Variants in ZNF235 observed in about 807,000 individuals in gnomAD.
The protein encoded by ZNF235 is zinc finger protein 235.
In ZNF235, 25 loss-of-function variants were observed where a neutral mutation model predicts 29.4. That is an observed-to-expected ratio of 0.85 (90% CI 0.62 to 1.19). The LOEUF (loss-of-function observed/expected upper bound fraction) is 1.19. Among genes scored for constraint, ZNF235 ranks in the 50% most tolerant of loss-of-function variants. The pLI is 0.00. For missense variants in ZNF235, 788 were observed against 885.0 expected (o/e 0.89, Z 1.39); for synonymous variants, 300 against 295.3 (o/e 1.02, Z -0.16).
chr19:44,296,389 G>C (rs1055361718), intron 4 of ZNF235, among the ~76,000 whole-genome samples: 33 of 152,124 alleles, frequency 2.2e-4, no homozygotes, highest in African/African-American at 7.0e-4. Flanking sequence ...GTGTATGTTG[G>C]GGGAAGGGTG....
Position 44,288,377 on chromosome 19 carries a change from C to G in ZNF235, c.1058G>C (p.Gly353Ala). The G allele has an allele frequency of 6.2e-7, 1 of 1,614,126 alleles. No homozygotes were observed. Among genetic ancestry groups the G allele is most frequent in the Non-Finnish European group, 8.5e-7 (1 of 1,180,026 alleles). ...ATGTGAGCTCTGATTAAAGCTCTTA[C>G]CACACTCGTGGCATGTATAGGGTTT... ...GEKPYTCHEC[G>A]KSFNQSSHLY... Residue 353 changes from glycine (G) to alanine (A), a missense_variant, in exon 5 of 5, where the codon GGT becomes GCT. By Grantham distance (60) the Gly-to-Ala change is moderately conservative. Coordinates refer to ENST00000291182, the MANE Select transcript of ZNF235 (RefSeq NM_004234.4).
Position 44,288,880 on chromosome 19 carries a change from T to A in ZNF235, c.555A>T (p.Lys185Asn), listed in dbSNP as rs550656663. Reference protein sequence around the residue: ...PTGKVPNSWSKIYLNETQNYQ... With the variant: ...PTGKVPNSWSNIYLNETQNYQ... ...AATTCTGTGTCTCATTCAGATATAT[T>A]TTACTCCAAGAATTCGGAACTTTCC... The change falls in exon 5 of 5, where the codon AAA becomes AAT. Residue 185 changes from lysine to asparagine, a missense_variant. Transcript: ENST00000291182. 6.2e-7 allele frequency: 1 copy of A among 1,613,836 alleles called. No homozygotes were observed. Among genetic ancestry groups the A allele is most frequent in the Non-Finnish European group, 8.5e-7 (1 of 1,179,972 alleles).
rs1488198219 is a variant in ZNF235, at chr19:44,303,468, G to A, written c.-48-16C>T. On this transcript the variant is annotated splice_polypyrimidine_tract_variant and intron_variant, in intron 1 of 4. Transcript: ENST00000291182. Reference sequence around the variant, plus strand: ...GGAAGTGAACCTGAGGGAGGGAAAGGCATCATGAGATAGGTTAGGGATGGC... The same window carrying A: ...GGAAGTGAACCTGAGGGAGGGAAAGACATCATGAGATAGGTTAGGGATGGC... The A allele has an allele frequency of 6.3e-7, 1 of 1,594,324 alleles. No homozygotes were observed. The highest frequency in any genetic ancestry group is 8.6e-7 in the Non-Finnish European group (1 of 1,167,848).
At chr19:44,298,754 G>T in intron 4 of ZNF235, 54 bp downstream of exon 4, 1 of 1,344,042 alleles carries the variant, frequency 7.4e-7, no homozygotes, top group Non-Finnish European at 1.1e-6. Flanking sequence ...AAATTATCCT[G>T]AATAAAGGAA....
intron 4 of ZNF235, chr19:44,289,794 G>A (rs968419965): frequency 6.6e-6 from 1 of 152,194 alleles, no homozygotes; most frequent in Admixed American, 6.5e-5. Flanking sequence ...CAACTGAATC[G>A]TAAGTAGCAA....
chr19:44,298,797 A>G lies in ZNF235; in HGVS notation c.238+11T>C. ...AGCTGTTAACTACGATTCCGGCTGC[A>G]CAGTACTCACCTGAATGCTTACCTC... On this transcript the variant is annotated intron_variant, in intron 4 of 4. Transcript: ENST00000291182. 1 of 1,595,820 alleles carries G rather than the reference A, an allele frequency of 6.3e-7. No individual in the cohort carries two copies. Among genetic ancestry groups the G allele is most frequent in the South Asian group, 1.1e-5 (1 of 90,066 alleles).
chr19:44,299,753 A>T (rs1465578582), intron 2 of ZNF235, 21 bp from the exon 3 acceptor site: 1 of 1,613,044 alleles, frequency 6.2e-7, no homozygotes, highest in African/African-American at 1.3e-5. Context: ...AAGCACATGT[A>T]ACCTCAATCT....
intron 4 of ZNF235, among the ~76,000 whole-genome samples, chr19:44,295,062 C>T (rs998266936): frequency 7.9e-5 from 12 of 152,108 alleles, no homozygotes; most frequent in African/African-American, 1.9e-4. Context: ...TCCTATTTCA[C>T]GTACCACTGG....
At position 44,287,913 on chromosome 19, in the gene ZNF235, C is replaced by G; in HGVS notation, c.1522G>C (p.Val508Leu). Reference protein sequence around the residue: ...SASSFQSHQRVHTGEKPFRCN... With the variant: ...SASSFQSHQRLHTGEKPFRCN... ...CGAAATGGTTTCTCTCCTGTATGGA[C>G]CCTCTGATGGCTCTGGAAACTTGAG... Residue 508 changes from valine (V) to leucine (L), a missense_variant, in exon 5 of 5, where the codon GTC becomes CTC. Val to Leu is a conservative substitution (Grantham distance 32, BLOSUM62 1). Coordinates refer to ENST00000291182, the MANE Select transcript of ZNF235 (RefSeq NM_004234.4). The G allele has an allele frequency of 2.5e-6, 4 of 1,613,832 alleles. No homozygotes were observed. Among genetic ancestry groups the G allele is most frequent in the Non-Finnish European group, 3.4e-6 (4 of 1,179,964 alleles).
At chr19:44,291,172 C>T (rs1237034791) in intron 4 of ZNF235, among the ~76,000 whole-genome samples, 1 of 152,158 alleles carries the variant, frequency 6.6e-6, no homozygotes, top group Non-Finnish European at 1.5e-5. Context: ...CAAGTTCTAA[C>T]AGATGCAAAA....
rs547675543 is a variant in ZNF235 at position 44,288,656 on chromosome 19, T to A, written c.779A>T (p.Gln260Leu). The A allele has an allele frequency of 1.1e-5, 17 of 1,614,134 alleles. No individual in the cohort carries two copies. The South Asian group carries it at 1.9e-4, about 18-fold the overall frequency. Reference protein sequence around the residue: ...PLTQRSIHTGQKTYQGNECEE... With the variant: ...PLTQRSIHTGLKTYQGNECEE... ...ACATTCATTACCCTGGTAGGTTTTC[T>A]GTCCTGTGTGAATACTACGCTGGGT... is the stretch of plus-strand genomic sequence containing the variant. Residue 260 changes from glutamine (Q) to leucine (L), a missense_variant, in exon 5 of 5, where the codon CAG (glutamine) becomes CTG (leucine). Transcript: ENST00000291182.
intron 3 of ZNF235, 111 bp from the exon 4 acceptor site, chr19:44,299,014 G>T: frequency 1.5e-6 from 1 of 673,506 alleles, no homozygotes; most frequent in East Asian, 2.7e-5. Context: ...GCAATGTTTA[G>T]GGAACATTTT....
chr19:44,303,167 AAT>A (rs1975779647), intron 2 of ZNF235, among the ~76,000 whole-genome samples: 1 of 143,990 alleles, frequency 6.9e-6, no homozygotes, highest in South Asian at 2.1e-4. Context: ...CGTATATATA[AAT>A]ATATAATTAT....
At position 44,288,388 on chromosome 19, in the gene ZNF235, G is replaced by C; in HGVS notation, c.1047C>G (p.Cys349Trp). 1 of 1,613,178 alleles carries C rather than the reference G, an allele frequency of 6.2e-7. No individual in the cohort carries two copies. The highest frequency in any genetic ancestry group is 8.5e-7 in the Non-Finnish European group (1 of 1,179,666). The change falls in exon 5 of 5, where the codon TGC (cysteine) becomes TGG (tryptophan). Residue 349 changes from cysteine to tryptophan, a missense_variant. Physicochemically the swap from Cys to Trp is radical, Grantham distance 215. Transcript: ENST00000291182. ...RVHTGEKPYT[C>W]HECGKSFNQS... ...GATTAAAGCTCTTACCACACTCGTGGCATGTATAGGGTTTCTCCCCTGTGT... is the reference window on the plus strand; with the variant it reads ...GATTAAAGCTCTTACCACACTCGTGCCATGTATAGGGTTTCTCCCCTGTGT...
chr19:44,303,021 TAA>T (rs1474987051), intron 2 of ZNF235, among the ~76,000 whole-genome samples: 2 of 138,814 alleles, frequency 1.4e-5, no homozygotes, highest in African/African-American at 5.4e-5. Context: ...TATATTTATA[TAA>T]AATATACGTA....
chr19:44,303,502 C>T, intron 1 of ZNF235, 50 bp from the exon 2 acceptor site: 2 of 1,525,234 alleles, frequency 1.3e-6, no homozygotes, highest in Non-Finnish European at 1.8e-6. Context: ...GCATTAGTCA[C>T]CATGGCACTT....
chr19:44,302,908 A>ATATACGTATATATTTGTATATATTTG (rs1975760696), intron 2 of ZNF235, among the ~76,000 whole-genome samples: 1 of 117,076 alleles, frequency 8.5e-6, no homozygotes, highest in Admixed American at 9.3e-5. Context: ...GTATATAAAT[A>ATATACGTATATATTTGTATATATTTG]TATACGTATA....
rs1387867616 is a variant in ZNF235 at position 44,289,335 on chromosome 19, C to A, written c.239-139G>T. The A allele has an allele frequency of 4.0e-6, 3 of 746,246 alleles. No homozygotes were observed. In the Admixed American group the frequency reaches 1.0e-4, roughly 25 times the overall value. The allele number at this position is 746,246 out of a possible 1,614,324, so 46.2% of individuals were successfully genotyped here. A position where few individuals can be genotyped will look rare whatever the true frequency, so the allele number is the denominator to read the frequency against. On this transcript the variant is annotated intron_variant, in intron 4 of 4. Coordinates refer to ENST00000291182, the MANE Select transcript of ZNF235 (RefSeq NM_004234.4). ...ACTGGCTGAAATAAATTTATAGGAACTCTGAAAAGCAGCTGCAACCAAGAG... is the reference window on the plus strand; with the variant it reads ...ACTGGCTGAAATAAATTTATAGGAAATCTGAAAAGCAGCTGCAACCAAGAG...
chr19:44,303,477 GA>G, intron 1 of ZNF235, 25 bp from the exon 2 acceptor site: 1 of 1,587,904 alleles, frequency 6.3e-7, no homozygotes, highest in Non-Finnish European at 8.6e-7. Context: ...GGCATCATGA[GA>G]TAGGTTAGGG....
Sources: gnomAD v4.1 joint callset for allele counts (sites outside exome capture counted in the v4.1 genomes callset) on GRCh38, gnomAD v4.1.1 for gene constraint, MANE v1.5 for transcripts, NCBI Gene and HGNC (gene_info 2026-07-23, HGNC 2026-07-21) for gene names.